MALRD1: variants seen among roughly 807,000 people sequenced by gnomAD.
MALRD1 encodes MAM and LDL-receptor class A domain-containing protein 1.
In MALRD1, 247 loss-of-function variants were observed where a neutral mutation model predicts 242.1. That is an observed-to-expected ratio of 1.02 (90% CI 0.92 to 1.13). MALRD1 has a LOEUF of 1.13. Among genes scored for constraint, MALRD1 ranks in the 50% most tolerant of loss-of-function variants. MALRD1 has a pLI of 0.00. For synonymous variants in MALRD1, 995 were observed against 866.6 expected (o/e 1.15, Z -2.60); for missense variants, 2,989 against 2,533.1 (o/e 1.18, Z -3.86).
At chr10:19,632,464 C>T (rs558979091) in intron 36 of MALRD1, among the ~76,000 whole-genome samples, 1 of 152,208 alleles carries the variant, frequency 6.6e-6, no homozygotes, top group Admixed American at 6.5e-5. Flanking sequence ...CATAGTGATG[C>T]TGGTGAATCT....
chr10:19,380,029 C>A (rs1344363425), intron 26 of MALRD1, among the ~76,000 whole-genome samples: 1 of 146,274 alleles, frequency 6.8e-6, no homozygotes, highest in Non-Finnish European at 1.5e-5. Flanking sequence ...GGCTGGAGTG[C>A]AGTGGCAGGA....
intron 29 of MALRD1, among the ~76,000 whole-genome samples, chr10:19,470,852 A>G (rs1836455002): frequency 6.6e-6 from 1 of 151,770 alleles, no homozygotes; most frequent in Admixed American, 6.6e-5. Context: ...ATGATTCACA[A>G]ATATTTTCTC....
At chr10:19,298,329 A>G (rs1039563365) in intron 21 of MALRD1, among the ~76,000 whole-genome samples, 1 of 151,970 alleles carries the variant, frequency 6.6e-6, no homozygotes, top group Non-Finnish European at 1.5e-5. Context: ...AGCGCCCATG[A>G]CCCAAATATC....
In MALRD1 at chr10:19,069,494, T is replaced by A. The variant is rs970254545; in HGVS notation, c.340+2635T>A. On this transcript the variant is annotated intron_variant, in intron 2 of 39. Coordinates refer to ENST00000454679, the MANE Select transcript of MALRD1 (RefSeq NM_001142308.3). ...TTTATTATTTGCAGCACTCTTTATTTCTTCTACCTATCTGAGTTTGTCTCT... is the reference window on the plus strand; with the variant it reads ...TTTATTATTTGCAGCACTCTTTATTACTTCTACCTATCTGAGTTTGTCTCT... Among the ~76,000 whole-genome samples, 5 of 152,048 alleles carry A rather than the reference T, an allele frequency of 3.3e-5. No homozygotes were observed. In the South Asian group the frequency reaches 1.0e-3, roughly 31 times the overall value.
intron 1 of MALRD1, among the ~76,000 whole-genome samples, chr10:19,061,558 A>G (rs1003207137): frequency 3.9e-5 from 6 of 152,200 alleles, no homozygotes; most frequent in South Asian, 2.1e-4. Flanking sequence ...TTAAAAAGCT[A>G]CAGTACCTGA....
At chr10:19,444,781 T>C (rs77822828) in intron 28 of MALRD1, among the ~76,000 whole-genome samples, 1 of 152,210 alleles carries the variant, frequency 6.6e-6, no homozygotes, top group South Asian at 2.1e-4. Flanking sequence ...CTGACAATTA[T>C]GTGTCTTGGA....
At chr10:19,573,417 G>A (rs1392851291) in intron 33 of MALRD1, among the ~76,000 whole-genome samples, 1 of 152,164 alleles carries the variant, frequency 6.6e-6, no homozygotes, top group East Asian at 1.9e-4. Context: ...GGGCAGAAGA[G>A]ACAGCAAGGA....
chr10:19,371,108 A>AG (rs1195615147), intron 26 of MALRD1, among the ~76,000 whole-genome samples: 3 of 150,300 alleles, frequency 2.0e-5, no homozygotes, highest in South Asian at 2.1e-4. Context: ...AAAAAAAAAA[A>AG]AAGAAAAAGC....
At chr10:19,162,226 T>G (rs1834461452) in intron 12 of MALRD1, among the ~76,000 whole-genome samples, 1 of 152,214 alleles carries the variant, frequency 6.6e-6, no homozygotes, top group Non-Finnish European at 1.5e-5. Flanking sequence ...CAAAGGTCCC[T>G]AAGGACCTGT....
At chr10:19,231,573 A>C (rs1028219704) in intron 18 of MALRD1, among the ~76,000 whole-genome samples, 1 of 151,886 alleles carries the variant, frequency 6.6e-6, no homozygotes, top group Non-Finnish European at 1.5e-5. Flanking sequence ...GTAGTGAATA[A>C]GTCTCATGAG....
upstream of MALRD1, among the ~76,000 whole-genome samples, chr10:19,047,575 G>A (rs1834369549): frequency 6.6e-6 from 1 of 151,996 alleles, no homozygotes; most frequent in Admixed American, 6.6e-5. Context: ...GACAAGCAAA[G>A]AAAAAGAGGT....
chr10:19,636,343 G>C (rs959340783), intron 36 of MALRD1, among the ~76,000 whole-genome samples: 2 of 151,954 alleles, frequency 1.3e-5, no homozygotes, highest in African/African-American at 2.4e-5. Flanking sequence ...ATAATTCCTT[G>C]GTAAGTATTT....
intron 36 of MALRD1, among the ~76,000 whole-genome samples, chr10:19,638,099 CTCAAAA>C (rs1423995947): frequency 1.7e-5 from 1 of 60,258 alleles, no homozygotes; most frequent in African/African-American, 7.0e-5. Flanking sequence ...GAAACTCACT[CTCAAAA>C]AAAAAAAAAA....
chr10:19,072,040 C>T (rs994949423), intron 2 of MALRD1, among the ~76,000 whole-genome samples: 13 of 152,126 alleles, frequency 8.5e-5, no homozygotes, highest in African/African-American at 3.1e-4. Context: ...TATACACGTA[C>T]TTATGATTAC....
rs1176145008 is a variant in MALRD1 at position 19,544,649 on chromosome 10, AC to A, written c.5478+13301del. Among the ~76,000 whole-genome samples the A allele has an allele frequency of 2.0e-5, 3 of 151,936 alleles. No individual in the cohort carries two copies. In the East Asian group the frequency reaches 5.8e-4, roughly 29 times the overall value. On this transcript the variant is annotated intron_variant, in intron 32 of 39. Transcript: ENST00000454679. ...AATGAAAATTAATAATCTACCCACCACCCACTAAAAGTAGATCTTTGGTCAG... is the reference window on the plus strand; with the variant it reads ...AATGAAAATTAATAATCTACCCACCACCACTAAAAGTAGATCTTTGGTCAG...
At chr10:19,233,273 G>T (rs1486029324) in intron 18 of MALRD1, among the ~76,000 whole-genome samples, 1 of 152,140 alleles carries the variant, frequency 6.6e-6, no homozygotes, top group Non-Finnish European at 1.5e-5. Context: ...AGGCCGAGGT[G>T]GGCGGATCGC....
At chr10:19,187,561 T>C (rs1306565094) in intron 14 of MALRD1, among the ~76,000 whole-genome samples, 1 of 152,110 alleles carries the variant, frequency 6.6e-6, no homozygotes, top group African/African-American at 2.4e-5. Flanking sequence ...AGGTTGATTA[T>C]AGAGAACAAT....
intron 21 of MALRD1, among the ~76,000 whole-genome samples, chr10:19,318,976 C>T (rs1412601304): frequency 3.1e-4 from 2 of 6,556 alleles, no homozygotes; most frequent in African/African-American, 1.1e-3. Context: ...CACAGACATA[C>T]ACACACACAC....
intron 28 of MALRD1, among the ~76,000 whole-genome samples, chr10:19,413,266 A>G (rs1437745091): frequency 6.6e-6 from 1 of 152,148 alleles, no homozygotes. Context: ...TAATGATTTG[A>G]CCATGATTAT....
Sources: gnomAD v4.1 joint callset for allele counts (sites outside exome capture counted in the v4.1 genomes callset) on GRCh38, gnomAD v4.1.1 for gene constraint, MANE v1.5 for transcripts, NCBI Gene and HGNC (gene_info 2026-07-23, HGNC 2026-07-21) for gene names.